MEI4: variants seen among roughly 807,000 people sequenced by gnomAD.
The protein encoded by MEI4 is meiotic double-stranded break formation protein 4.
Under a neutral mutation model 31.4 loss-of-function variants are expected in MEI4, and 27 were observed. The ratio of observed to expected loss-of-function variants is 0.86; its 90% confidence interval spans 0.63 to 1.19. The LOEUF (loss-of-function observed/expected upper bound fraction) is 1.19, where lower values mean the gene tolerates loss of function less well. MEI4 is among the 50% of genes most tolerant of loss of function. The pLI is 0.00. For synonymous variants in MEI4, 122 were observed against 145.4 expected (o/e 0.84, Z 1.16); for missense variants, 329 against 398.9 (o/e 0.82, Z 1.49).
At chr6:77,895,983 A>G (rs769778881) in intron 4 of MEI4, among the ~76,000 whole-genome samples, 2 of 152,146 alleles carry the variant, frequency 1.3e-5, no homozygotes, top group Non-Finnish European at 2.9e-5. Flanking sequence ...CAGACTAACA[A>G]ACGATCTATT....
chr6:77,773,537 A>G (rs1367287949), intron 3 of MEI4, among the ~76,000 whole-genome samples: 1 of 152,040 alleles, frequency 6.6e-6, no homozygotes, highest in Non-Finnish European at 1.5e-5. Flanking sequence ...ATCAAATCAC[A>G]GTGGATTAAA....
intron 4 of MEI4, among the ~76,000 whole-genome samples, chr6:77,887,323 C>T (rs903268289): frequency 6.6e-6 from 1 of 151,458 alleles, no homozygotes; most frequent in Non-Finnish European, 1.5e-5. Flanking sequence ...TGGAGTCTCA[C>T]TTTTGTCGCC....
chr6:77,835,373 AACACACACAC>A (rs149668655), intron 4 of MEI4, among the ~76,000 whole-genome samples: 1 of 96,794 alleles, frequency 1.0e-5, no homozygotes, highest in South Asian at 3.8e-4. Flanking sequence ...AACAAAACAA[AACACACACAC>A]ACACACACAC....
rs190576657 is a variant in MEI4, at chr6:77,700,309, C to G, written c.232+9406C>G. On this transcript the variant is annotated intron_variant, in intron 2 of 4. Transcript: ENST00000684080. ...CTGGGCAGTGGCAGGTGCCCCTCCC[C>G]CAGCCTCACTGCCACCTTGTAGTTT... Among the ~76,000 whole-genome samples, 787 of 152,290 alleles carry G rather than the reference C, an allele frequency of 5.2e-3. 7 individuals are homozygous for G. Among genetic ancestry groups the G allele is most frequent in the African/African-American group, 0.018 (769 of 41,568 alleles).
chr6:77,674,477 A>G (rs956489127), intron 1 of MEI4, among the ~76,000 whole-genome samples: 4 of 152,204 alleles, frequency 2.6e-5, no homozygotes, highest in African/African-American at 9.7e-5. Context: ...GTTCAGATCT[A>G]CAAATACTTA....
intron 3 of MEI4, among the ~76,000 whole-genome samples, chr6:77,786,245 A>C: frequency 6.7e-6 from 1 of 150,150 alleles, no homozygotes; most frequent in Non-Finnish European, 1.5e-5. Flanking sequence ...ATTTTGAGTG[A>C]CTGTCATGGT....
intron 4 of MEI4, among the ~76,000 whole-genome samples, chr6:77,910,159 G>T: frequency 6.6e-6 from 1 of 152,132 alleles, no homozygotes; most frequent in Non-Finnish European, 1.5e-5. Context: ...AGACAGGGAT[G>T]CCCTCTCTCA....
intron 2 of MEI4, among the ~76,000 whole-genome samples, chr6:77,701,335 G>A (rs1057309658): frequency 3.3e-5 from 5 of 152,064 alleles, no homozygotes; most frequent in African/African-American, 7.3e-5. Flanking sequence ...GGGATTGAAG[G>A]GTTTATGGTG....
rs1011737159 is a variant in MEI4 at position 77,907,140 on chromosome 6, A to AT, written c.901-15941dup. Among the ~76,000 whole-genome samples, 8 of 151,700 alleles carry AT rather than the reference A, an allele frequency of 5.3e-5. No homozygotes were observed. In the East Asian group the frequency reaches 1.2e-3, roughly 22 times the overall value. ...ATGGGAGAATATTGAATTACTAGCC[A>AT]TTTTTTTTAAATATACTTTGAGTTT... On this transcript the variant is annotated intron_variant, in intron 4 of 4. Coordinates refer to ENST00000684080, the MANE Select transcript of MEI4 (RefSeq NM_001322247.2).
intron 1 of MEI4, among the ~76,000 whole-genome samples, chr6:77,678,395 C>A (rs560270226): frequency 1.3e-5 from 2 of 152,156 alleles, no homozygotes; most frequent in African/African-American, 4.8e-5. Flanking sequence ...AAGGCAAGTT[C>A]TGATTGGTAG....
At chr6:77,745,270 G>A (rs1767561825) in intron 2 of MEI4, among the ~76,000 whole-genome samples, 1 of 152,108 alleles carries the variant, frequency 6.6e-6, no homozygotes, top group Non-Finnish European at 1.5e-5. Flanking sequence ...AAAGGATGGA[G>A]GAAGACCTAC....
chr6:77,787,792 G>GATAT (rs1453131619), intron 3 of MEI4, among the ~76,000 whole-genome samples: 1 of 152,106 alleles, frequency 6.6e-6, no homozygotes, highest in Non-Finnish European at 1.5e-5. Context: ...AGACAGCACA[G>GATAT]ATATATAACC....
chr6:77,790,826 A>G (rs1007292436), intron 3 of MEI4, among the ~76,000 whole-genome samples: 2 of 152,186 alleles, frequency 1.3e-5, no homozygotes, highest in African/African-American at 2.4e-5. Context: ...AACTCAAACA[A>G]ATTTACAAGA....
intron 4 of MEI4, among the ~76,000 whole-genome samples, chr6:77,909,434 A>T (rs888798505): frequency 6.6e-6 from 1 of 152,218 alleles, no homozygotes; most frequent in Non-Finnish European, 1.5e-5. Context: ...AAACACCTCT[A>T]TGCAAATAAA....
chr6:77,901,002 T>C (rs1766177116), intron 4 of MEI4, among the ~76,000 whole-genome samples: 2 of 151,988 alleles, frequency 1.3e-5, no homozygotes, highest in African/African-American at 2.4e-5. Context: ...CTTAACATAA[T>C]GTCCTTGGGT....
At chr6:77,697,887 T>C (rs924951535) in intron 2 of MEI4, among the ~76,000 whole-genome samples, 1 of 152,122 alleles carries the variant, frequency 6.6e-6, no homozygotes, top group African/African-American at 2.4e-5. Context: ...CCCATTATTA[T>C]TGTGTGGGAG....
rs1168538677 is a variant in MEI4, at chr6:77,923,293, TGGAGAGTGG to T, written c.1107_1115del (p.Trp369_Gly372delinsCys). 5.7e-6 allele frequency: 7 copies of T among 1,230,108 alleles called. No homozygotes were observed. The highest frequency in any genetic ancestry group is 7.1e-6 in the Non-Finnish European group (7 of 986,648). 76.2% of individuals were successfully genotyped at this position (1,230,108 alleles called of 1,614,324 possible). A position where few individuals can be genotyped will look rare whatever the true frequency, so the allele number is the denominator to read the frequency against. On this transcript the variant is annotated inframe_deletion, in exon 5 of 5. Coordinates refer to ENST00000684080, the MANE Select transcript of MEI4 (RefSeq NM_001322247.2). ...ATTTCCTTTGTTTACTTTTTATTTA[TGGAGAGTGG>T]GCATTCTTTTGAGCTCAGCACAGAT...
chr6:77,727,042 A>C (rs752474704), intron 2 of MEI4, among the ~76,000 whole-genome samples: 7 of 152,056 alleles, frequency 4.6e-5, no homozygotes, highest in African/African-American at 1.7e-4. Flanking sequence ...AACAATTACA[A>C]TTTTTTTTGG....
At chr6:77,740,994 G>A (rs907019519) in intron 2 of MEI4, among the ~76,000 whole-genome samples, 1 of 151,992 alleles carries the variant, frequency 6.6e-6, no homozygotes, top group Non-Finnish European at 1.5e-5. Context: ...TTATATGTAA[G>A]GTACAAGATA....
Sources: allele counts gnomAD v4.1 joint callset (sites outside exome capture counted in the v4.1 genomes callset), GRCh38; gene constraint gnomAD v4.1.1; transcripts MANE v1.5; gene names NCBI Gene and HGNC (gene_info 2026-07-23, HGNC 2026-07-21).